Variants in HGF observed in about 807,000 individuals in gnomAD.
HGF encodes the protein fibroblast-derived tumor cytotoxic factor.
Under a neutral mutation model 111.6 loss-of-function variants are expected in HGF, and 39 were observed. The ratio of observed to expected loss-of-function variants is 0.35; its 90% CI spans 0.27 to 0.46. The LOEUF (loss-of-function observed/expected upper bound fraction) is 0.46. Ranked by LOEUF, HGF falls within the 20% of genes least tolerant of loss-of-function variation. The pLI is 1.00. For synonymous variants in HGF, 285 were observed against 294.8 expected, an observed-to-expected ratio of 0.97 and a Z score of 0.34; for missense variants, 735 against 910.5, an observed-to-expected ratio of 0.81 and a Z score of 2.48.
chr7:81,758,916 G>T, intron 2 of HGF, 112 bp from the exon 3 acceptor site: 1 of 684,092 alleles, frequency 1.5e-6, no homozygotes, highest in Non-Finnish European at 2.6e-6. Flanking sequence ...AGAAACAAAT[G>T]CATAATTACA....
intron 1 of HGF, among the ~76,000 whole-genome samples, chr7:81,763,714 C>T (rs1194675088): frequency 6.6e-6 from 1 of 152,140 alleles, no homozygotes; most frequent in Non-Finnish European, 1.5e-5. Context: ...TAGTGATCAG[C>T]ATCTTCACAA....
At chr7:81,714,215 TG>T (rs1255470345) in intron 11 of HGF, among the ~76,000 whole-genome samples, 5 of 152,178 alleles carry the variant, frequency 3.3e-5, no homozygotes, top group African/African-American at 1.2e-4. Context: ...TATATTGCTT[TG>T]TAATTATTTC....
chr7:81,708,524 CTTTTTTTTTTTTTT>C (rs3081099), intron 13 of HGF, among the ~76,000 whole-genome samples: 2 of 72,472 alleles, frequency 2.8e-5, no homozygotes, highest in Admixed American at 2.4e-4. Flanking sequence ...TTCCTTCCTT[CTTTTTTTTTTTTTT>C]TTTTTTTTTT....
chr7:81,736,894 G>GGTGT (rs368271908), intron 7 of HGF, among the ~76,000 whole-genome samples: 2,861 of 142,018 alleles, frequency 0.02, 64 homozygotes, highest in African/African-American at 0.057. Flanking sequence ...TGTGTAGAGG[G>GGTGT]GTGTGTGTGT....
chr7:81,700,062 C>T lies in HGF; in HGVS notation c.*2519G>A, dbSNP rs936985995. 1.3e-5 allele frequency: 2 copies of T among 151,744 alleles called. No homozygotes were observed. Among genetic ancestry groups the T allele is most frequent in the African/African-American group, 4.8e-5 (2 of 41,414 alleles). 9.4% of individuals were successfully genotyped at this position (151,744 alleles called of 1,614,324 possible). A position where few individuals can be genotyped will look rare whatever the true frequency, so the allele number is the denominator to read the frequency against. The stretch of plus-strand genomic sequence containing the variant: ...CGTGAGAAAATGTCTACAATTATAA[C>T]AGTACATAACCATTATTCAAACAGC... On this transcript the variant is annotated 3_prime_UTR_variant, in exon 18 of 18. Coordinates refer to ENST00000222390, the MANE Select transcript of HGF (RefSeq NM_000601.6).
chr7:81,747,005 C>G (rs933256510), intron 5 of HGF, among the ~76,000 whole-genome samples: 1 of 152,074 alleles, frequency 6.6e-6, no homozygotes, highest in African/African-American at 2.4e-5. Flanking sequence ...GGTACTTGGA[C>G]CTCACTTTGC....
Position 81,769,573 on chromosome 7 carries a change from C to A in HGF, c.88+311G>T, listed in dbSNP as rs145286085. Among the ~76,000 whole-genome samples, 162 of 152,252 alleles carry A rather than the reference C, an allele frequency of 1.1e-3. 7 individuals are homozygous for A. The East Asian group carries it at 0.029, about 27-fold the overall frequency. ...TAGCTTTAAACTTGTCCAAAGCAGC[C>A]AAGTTCAGCCAGTATTAGCACTTCC... On this transcript the variant is annotated intron_variant, in intron 1 of 17. Transcript: ENST00000222390.
At chr7:81,724,735 T>A (rs1789960959) in intron 9 of HGF, among the ~76,000 whole-genome samples, 1 of 152,182 alleles carries the variant, frequency 6.6e-6, no homozygotes, top group South Asian at 2.1e-4. Context: ...CACCCAGTAA[T>A]GGGATTGCTG....
At chr7:81,744,163 A>G (rs1562893229) in intron 6 of HGF, among the ~76,000 whole-genome samples, 1 of 152,192 alleles carries the variant, frequency 6.6e-6, no homozygotes, top group Non-Finnish European at 1.5e-5. Flanking sequence ...CCTAACAGCA[A>G]TTTCCAAAGA....
intron 2 of HGF, among the ~76,000 whole-genome samples, chr7:81,761,369 T>C (rs1389363800): frequency 6.6e-6 from 1 of 152,162 alleles, no homozygotes; most frequent in African/African-American, 2.4e-5. Flanking sequence ...AACCTAAACC[T>C]GATAAAGATC....
At position 81,702,399 on chromosome 7, in the gene HGF, A is replaced by G. The variant is rs930299625; in HGVS notation, c.*182T>C. The G allele has an allele frequency of 6.8e-6, 4 of 588,744 alleles. No individual in the cohort carries two copies. The highest frequency in any genetic ancestry group is 9.1e-6 in the Non-Finnish European group (3 of 329,884). 36.5% of individuals were successfully genotyped at this position (588,744 alleles called of 1,614,324 possible). On this transcript the variant is annotated 3_prime_UTR_variant, in exon 18 of 18. Coordinates refer to ENST00000222390, the MANE Select transcript of HGF (RefSeq NM_000601.6). Reference sequence around the variant, plus strand: ...CCTTAATTCACTTCAACATTGACAAAATAACACTGACAAACAAAACAACAG... The same window carrying G: ...CCTTAATTCACTTCAACATTGACAAGATAACACTGACAAACAAAACAACAG...
chr7:81,762,545 A>G (rs1332569430), intron 2 of HGF, among the ~76,000 whole-genome samples, 162 bp downstream of exon 2: 6 of 152,232 alleles, frequency 3.9e-5, no homozygotes, highest in Admixed American at 3.9e-4. Context: ...CTATGTTTCC[A>G]TAAACTGAGA....
At chr7:81,730,542 A>C in intron 7 of HGF, among the ~76,000 whole-genome samples, 1 of 152,214 alleles carries the variant, frequency 6.6e-6, no homozygotes, top group East Asian at 1.9e-4. Flanking sequence ...AGAAAAAATC[A>C]GTTATTCCTA....
At position 81,705,674 on chromosome 7, in the gene HGF, T is replaced by C. The variant is rs2115765484; in HGVS notation, c.1837A>G (p.Ser613Gly). The C allele has an allele frequency of 6.2e-7, 1 of 1,611,980 alleles. No individual in the cohort carries two copies. The highest frequency in any genetic ancestry group is 8.5e-7 in the Non-Finnish European group (1 of 1,178,388). ...CCAGTGTAGCCCCAGCCATAAACAC[T>C]GCAACTGGTCTTTTCAGGAATTGTG... ...GCTIPEKTSC[S>G]VYGWGYTGLI... The change falls in exon 16 of 18, where the codon AGT becomes GGT. Residue 613 changes from serine (S) to glycine (G), a missense_variant. Around this residue, in one of 3 missense-constraint regions of HGF, gnomAD observed 130 missense variants for 129.9 expected, o/e 1.00. Transcript: ENST00000222390.
intron 11 of HGF, among the ~76,000 whole-genome samples, chr7:81,716,172 T>G (rs1053005734): frequency 2.6e-5 from 4 of 152,102 alleles, no homozygotes; most frequent in Admixed American, 2.6e-4. Flanking sequence ...ATAGTTTTGA[T>G]TGTCACGACT....
intron 4 of HGF, among the ~76,000 whole-genome samples, chr7:81,753,181 T>C (rs928925614): frequency 6.6e-6 from 1 of 152,112 alleles, no homozygotes; most frequent in East Asian, 1.9e-4. Context: ...ATTACCAGCA[T>C]AAAGTATTTT....
intron 7 of HGF, among the ~76,000 whole-genome samples, chr7:81,734,497 T>A (rs187290135): frequency 1.5e-4 from 23 of 152,280 alleles, no homozygotes; most frequent in Admixed American, 1.2e-3. Context: ...TGTGATCTGA[T>A]TGCTACAAAA....
At position 81,734,948 on chromosome 7, in the gene HGF, C is replaced by G. The variant is rs149761953; in HGVS notation, c.866-5169G>C. Reference sequence around the variant, plus strand: ...ATTCATAGGCTGGTAGACAAATACCCGATAACCTCCTGGAGCAGTTCAACC... The same window carrying G: ...ATTCATAGGCTGGTAGACAAATACCGGATAACCTCCTGGAGCAGTTCAACC... On this transcript the variant is annotated intron_variant, in intron 7 of 17. Transcript: ENST00000222390. Among the ~76,000 whole-genome samples the G allele has an allele frequency of 2.9e-3, 448 of 152,186 alleles. 1 individual carries two copies. The highest frequency in any genetic ancestry group is 4.6e-3 in the Non-Finnish European group (311 of 67,980).
rs371343910 is a variant in HGF at position 81,743,335 on chromosome 7, A to C, written c.865+18T>G. 3.6e-6 allele frequency: 5 copies of C among 1,398,208 alleles called. No individual in the cohort carries two copies. In the African/African-American group the frequency reaches 7.1e-5, roughly 20 times the overall value. The allele number at this position is 1,398,208 out of a possible 1,614,324, so 86.6% of individuals were successfully genotyped here. A position where few individuals can be genotyped will look rare whatever the true frequency, so the allele number is the denominator to read the frequency against. On this transcript the variant is annotated intron_variant, in intron 7 of 17. Coordinates refer to ENST00000222390, the MANE Select transcript of HGF (RefSeq NM_000601.6). The stretch of plus-strand genomic sequence containing the variant: ...TCTGTGAGAGGAAAAGGAAGCAATA[A>C]ATTTGACCTTCACTTACCGCATGTT...
Sources: allele counts gnomAD v4.1 joint callset (sites outside exome capture counted in the v4.1 genomes callset), GRCh38; gene constraint gnomAD v4.1.1; regional missense constraint gnomAD v4.1.1; transcripts MANE v1.5; gene names NCBI Gene and HGNC (gene_info 2026-07-23, HGNC 2026-07-21).